PDGFD: variants seen among roughly 807,000 people sequenced by gnomAD.
PDGFD encodes platelet-derived growth factor D.
In PDGFD, 30 loss-of-function variants were observed where a neutral mutation model predicts 44.7. The ratio of observed to expected loss-of-function variants is 0.67; its 90% CI spans 0.50 to 0.91. The LOEUF (loss-of-function observed/expected upper bound fraction) is 0.91. Among genes scored for constraint, PDGFD ranks in the 40% least tolerant of loss-of-function variants. The pLI is 0.00. For missense variants in PDGFD, 445 were observed against 457.8 expected (o/e 0.97, Z 0.25); for synonymous variants, 173 against 168.4 (o/e 1.03, Z -0.21).
chr11:104,118,863 TTA>T (rs1861688898), intron 1 of PDGFD, among the ~76,000 whole-genome samples: 1 of 93,062 alleles, frequency 1.1e-5, no homozygotes, highest in East Asian at 2.7e-4. Flanking sequence ...TTATAATATA[TTA>T]TATATTAATA....
intron 1 of PDGFD, among the ~76,000 whole-genome samples, chr11:104,032,631 A>T (rs574177609): frequency 6.6e-6 from 1 of 151,434 alleles, no homozygotes; most frequent in African/African-American, 2.4e-5. Context: ...AACTGAAACC[A>T]TCAGTTATGT....
In PDGFD at chr11:104,148,205, C is replaced by T. The variant is rs532563825; in HGVS notation, c.124+15599G>A. On this transcript the variant is annotated intron_variant, in intron 1 of 6. Coordinates refer to ENST00000393158, the MANE Select transcript of PDGFD (RefSeq NM_025208.5). The stretch of plus-strand genomic sequence containing the variant: ...GTTGATATAATAATAAAATATAAAA[C>T]ACATAAAACTTGCCCATGCTGAGTT... 5.3e-5 allele frequency among the ~76,000 whole-genome samples: 8 copies of T among 152,168 alleles called. No homozygotes were observed. In the South Asian group the frequency reaches 1.0e-3, roughly 20 times the overall value.
intron 6 of PDGFD, among the ~76,000 whole-genome samples, chr11:103,926,406 T>C (rs1281867072): frequency 6.6e-6 from 1 of 152,230 alleles, no homozygotes; most frequent in Non-Finnish European, 1.5e-5. Flanking sequence ...CACTTAATAA[T>C]AGTTAAAATA....
intron 1 of PDGFD, among the ~76,000 whole-genome samples, chr11:104,158,725 C>A (rs552760873): frequency 2.0e-5 from 3 of 152,068 alleles, no homozygotes; most frequent in Non-Finnish European, 4.4e-5. Flanking sequence ...CCCAGCTACT[C>A]AGGAGGCTCA....
chr11:104,077,898 C>A (rs761573905), intron 1 of PDGFD, among the ~76,000 whole-genome samples: 3 of 152,092 alleles, frequency 2.0e-5, no homozygotes, highest in Non-Finnish European at 2.9e-5. Context: ...TTCAAAAAAT[C>A]ATCTGAAGGG....
At chr11:104,076,839 G>A (rs1395953458) in intron 1 of PDGFD, among the ~76,000 whole-genome samples, 1 of 152,084 alleles carries the variant, frequency 6.6e-6, no homozygotes, top group Non-Finnish European at 1.5e-5. Flanking sequence ...CATATTCAAC[G>A]TGAGGATGAG....
intron 1 of PDGFD, among the ~76,000 whole-genome samples, chr11:104,036,020 T>C (rs1387804244): frequency 1.3e-5 from 2 of 152,200 alleles, no homozygotes; most frequent in African/African-American, 4.8e-5. Flanking sequence ...AATCTGACTT[T>C]CCTACTATGC....
chr11:103,935,986 C>A (rs1283343082), intron 5 of PDGFD, among the ~76,000 whole-genome samples: 1 of 152,090 alleles, frequency 6.6e-6, no homozygotes, highest in Non-Finnish European at 1.5e-5. Flanking sequence ...GTCCTTCTTT[C>A]TTTTGCTCTA....
At chr11:104,021,677 G>C (rs924462138) in intron 1 of PDGFD, among the ~76,000 whole-genome samples, 1 of 152,158 alleles carries the variant, frequency 6.6e-6, no homozygotes, top group Non-Finnish European at 1.5e-5. Flanking sequence ...GTGTAGGCCT[G>C]TCAAACTCGA....
At chr11:103,930,543 A>G (rs1467650199) in intron 5 of PDGFD, among the ~76,000 whole-genome samples, 1 of 109,754 alleles carries the variant, frequency 9.1e-6, no homozygotes, top group Non-Finnish European at 1.7e-5. Context: ...GAGCCTTTCA[A>G]AAGTTAAGAA....
intron 1 of PDGFD, among the ~76,000 whole-genome samples, chr11:104,100,339 T>G (rs1219108291): frequency 6.6e-6 from 1 of 152,100 alleles, no homozygotes; most frequent in Non-Finnish European, 1.5e-5. Context: ...TAAACACGTC[T>G]ACGCAAATAA....
Position 103,909,644 on chromosome 11 carries a change from C to T in PDGFD, c.*50G>A. ...GGAAAAGGGTCTCTTATCTCACCCT[C>T]CTTAAACTAAAGGTTCTTTCAGGCT... On this transcript the variant is annotated 3_prime_UTR_variant, in exon 7 of 7. Transcript: ENST00000393158. The T allele has an allele frequency of 6.2e-7, 1 of 1,608,562 alleles. No individual in the cohort carries two copies. Among genetic ancestry groups the T allele is most frequent in the Non-Finnish European group, 8.5e-7 (1 of 1,175,364 alleles).
chr11:104,086,953 C>A (rs1015765724), intron 1 of PDGFD, among the ~76,000 whole-genome samples: 2 of 146,898 alleles, frequency 1.4e-5, no homozygotes, highest in African/African-American at 4.9e-5. Context: ...CTTTAGCTTA[C>A]AATGCACTGT....
In PDGFD at chr11:103,996,190, G is replaced by A. The variant is rs756756716; in HGVS notation, c.385C>T (p.Arg129Ter). The change falls in exon 3 of 7, where the codon CGA (arginine) becomes TGA (stop). Residue 129 changes from arginine to a stop codon, truncating the protein, a stop_gained. Coordinates refer to ENST00000393158, the MANE Select transcript of PDGFD (RefSeq NM_025208.5). LOFTEE classifies it high-confidence loss of function. ...GGAACTTCCTTGTGTCCACACCATC[G>A]TCCTCTAATAATGGTACTGGTTTCG... ...ISETSTIIRG[R>*]WCGHKEVPPR... 1.9e-6 allele frequency: 3 copies of A among 1,612,894 alleles called. No homozygotes were observed. Among genetic ancestry groups the A allele is most frequent in the Non-Finnish European group, 1.7e-6 (2 of 1,179,288 alleles).
intron 1 of PDGFD, among the ~76,000 whole-genome samples, chr11:104,144,675 T>C (rs1386669582): frequency 6.6e-6 from 1 of 152,178 alleles, no homozygotes; most frequent in Non-Finnish European, 1.5e-5. Context: ...CTGGCAATTG[T>C]CTTACCTAAA....
intron 1 of PDGFD, among the ~76,000 whole-genome samples, chr11:104,130,299 GC>G (rs1861902632): frequency 6.6e-6 from 1 of 152,012 alleles, no homozygotes; most frequent in African/African-American, 2.4e-5. Flanking sequence ...GTGAGATGAG[GC>G]GTTCAGGAGG....
chr11:104,029,697 C>A (rs568603059), intron 1 of PDGFD, among the ~76,000 whole-genome samples: 7 of 152,312 alleles, frequency 4.6e-5, no homozygotes, highest in South Asian at 2.1e-4. Context: ...ATATAAATAC[C>A]TGTTGAGGTG....
At position 103,907,845 on chromosome 11, in the gene PDGFD, T is replaced by C. The variant is rs1444184418; in HGVS notation, c.*1849A>G. The C allele has an allele frequency of 6.6e-6, 1 of 152,066 alleles. No individual in the cohort carries two copies. The highest frequency in any genetic ancestry group is 1.5e-5 in the Non-Finnish European group (1 of 67,996). The allele number at this position is 152,066 out of a possible 1,614,324, so 9.4% of individuals were successfully genotyped here. On this transcript the variant is annotated 3_prime_UTR_variant, in exon 7 of 7. Coordinates refer to ENST00000393158, the MANE Select transcript of PDGFD (RefSeq NM_025208.5). ...GCCTGAGCTATTTCTGATTGTGTTC[T>C]GGGATTTTAGAGAATTGAACAATAG...
At position 103,973,523 on chromosome 11, in the gene PDGFD, C is replaced by T. The variant is rs1214044371; in HGVS notation, c.510+22542G>A. Among the ~76,000 whole-genome samples the T allele has an allele frequency of 3.3e-5, 5 of 152,048 alleles. No individual in the cohort carries two copies. The South Asian group carries it at 6.2e-4, about 19-fold the overall frequency. The stretch of plus-strand genomic sequence containing the variant: ...GGAAGGATCAGAAGTAGTTGATAAT[C>T]CTGCACACCTATGATGTACCAGCCT... On this transcript the variant is annotated intron_variant, in intron 3 of 6. Transcript: ENST00000393158.
Sources: gnomAD v4.1 joint callset for allele counts (sites outside exome capture counted in the v4.1 genomes callset) on GRCh38, gnomAD v4.1.1 for gene constraint, MANE v1.5 for transcripts, NCBI Gene and HGNC (gene_info 2026-07-23, HGNC 2026-07-21) for gene names.